Variants in CSMD1 observed in about 807,000 individuals in gnomAD.
CSMD1 encodes CUB and sushi domain-containing protein 1.
Under a neutral mutation model 417.5 loss-of-function variants are expected in CSMD1, and 213 were observed. That is an observed-to-expected ratio of 0.51 (90% CI 0.46 to 0.57). CSMD1 has a LOEUF of 0.57. Among genes scored for constraint, CSMD1 ranks in the 20% least tolerant of loss-of-function variants. The pLI is 0.00. For missense variants in CSMD1, 6,923 were observed against 4,529.7 expected (o/e 1.53, Z -15.17); for synonymous variants, 2,862 against 1,736.8 (o/e 1.65, Z -16.11).
chr8:3,403,354 G>A (rs1482636797), intron 15 of CSMD1, among the ~76,000 whole-genome samples: 1 of 151,830 alleles, frequency 6.6e-6, no homozygotes, highest in African/African-American at 2.4e-5. Context: ...CTTTCTATTT[G>A]TTTTCAGCAG....
intron 5 of CSMD1, among the ~76,000 whole-genome samples, chr8:3,785,387 A>T (rs769815446): frequency 1.4e-4 from 21 of 152,186 alleles, no homozygotes; most frequent in Admixed American, 1.3e-4. Context: ...ACACCTGGCC[A>T]TCAAGGGTCT....
chr8:4,583,509 C>T (rs978737274), intron 2 of CSMD1, among the ~76,000 whole-genome samples: 3 of 151,850 alleles, frequency 2.0e-5, no homozygotes, highest in Non-Finnish European at 4.4e-5. Flanking sequence ...ATTGTAAATA[C>T]ACCAATCGAC....
intron 41 of CSMD1, among the ~76,000 whole-genome samples, chr8:3,141,918 C>G (rs1049981015): frequency 2.0e-5 from 3 of 151,964 alleles, no homozygotes; most frequent in African/African-American, 7.2e-5. Flanking sequence ...CTGCCTCAGC[C>G]TCCCGAGTAG....
intron 12 of CSMD1, among the ~76,000 whole-genome samples, chr8:3,468,343 C>T (rs1243281139): frequency 6.6e-6 from 1 of 152,114 alleles, no homozygotes; most frequent in Non-Finnish European, 1.5e-5. Context: ...TAAGTATTTT[C>T]AGATTCACTA....
At position 3,670,582 on chromosome 8, in the gene CSMD1, T is replaced by C. The variant is rs1411745777; in HGVS notation, c.1009+37832A>G. Reference sequence around the variant, plus strand: ...ATATGCGATATATATATATGGGATATATATGGGGATATATATATTGCACAT... The same window carrying C: ...ATATGCGATATATATATATGGGATACATATGGGGATATATATATTGCACAT... On this transcript the variant is annotated intron_variant, in intron 7 of 69. Coordinates refer to ENST00000635120, the MANE Select transcript of CSMD1 (RefSeq NM_033225.6). 2.7e-5 allele frequency among the ~76,000 whole-genome samples: 4 copies of C among 147,742 alleles called. No individual in the cohort carries two copies. In the South Asian group the frequency reaches 6.3e-4, roughly 23 times the overall value.
intron 2 of CSMD1, among the ~76,000 whole-genome samples, chr8:4,504,037 A>G (rs987081887): frequency 1.3e-5 from 2 of 152,094 alleles, no homozygotes; most frequent in African/African-American, 2.4e-5. Flanking sequence ...TCTCATGTTC[A>G]TTGCTGTGTA....
chr8:4,838,781 T>C (rs568272306), intron 1 of CSMD1, among the ~76,000 whole-genome samples: 1 of 152,186 alleles, frequency 6.6e-6, no homozygotes, highest in Non-Finnish European at 1.5e-5. Flanking sequence ...CACCCAGAGT[T>C]TGGTCGGAAC....
At chr8:3,077,987 T>A (rs575524886) in intron 49 of CSMD1, among the ~76,000 whole-genome samples, 2 of 152,356 alleles carry the variant, frequency 1.3e-5, no homozygotes, top group African/African-American at 4.8e-5. Flanking sequence ...TGCCTCCGTT[T>A]CCTTTATCCT....
At chr8:4,359,002 A>G (rs1382893642) in intron 3 of CSMD1, among the ~76,000 whole-genome samples, 2 of 152,142 alleles carry the variant, frequency 1.3e-5, no homozygotes, top group African/African-American at 4.8e-5. Context: ...TGACATATAT[A>G]GGCATATAAT....
At chr8:3,673,106 T>C (rs1465407098) in intron 7 of CSMD1, among the ~76,000 whole-genome samples, 3 of 152,322 alleles carry the variant, frequency 2.0e-5, no homozygotes, top group South Asian at 2.1e-4. Flanking sequence ...GAGTTAATAA[T>C]AAATGAATCA....
intron 2 of CSMD1, among the ~76,000 whole-genome samples, chr8:4,612,611 T>C (rs1312092675): frequency 6.6e-6 from 1 of 152,090 alleles, no homozygotes; most frequent in South Asian, 2.1e-4. Context: ...CCAGAAACCA[T>C]GAGGACAAGG....
chr8:4,333,627 G>C (rs1010624812), intron 3 of CSMD1, among the ~76,000 whole-genome samples: 1 of 152,116 alleles, frequency 6.6e-6, no homozygotes, highest in Non-Finnish European at 1.5e-5. Context: ...TTTAAGGAGA[G>C]TGATCTAAAT....
intron 2 of CSMD1, among the ~76,000 whole-genome samples, chr8:4,510,684 C>T (rs1176325378): frequency 6.9e-6 from 1 of 144,898 alleles, no homozygotes; most frequent in Non-Finnish European, 1.5e-5. Flanking sequence ...TCCCTCCTCT[C>T]TTCCTTCCCC....
At chr8:3,664,218 T>C (rs773694609) in intron 7 of CSMD1, among the ~76,000 whole-genome samples, 1 of 152,138 alleles carries the variant, frequency 6.6e-6, no homozygotes, top group Non-Finnish European at 1.5e-5. Context: ...GTGTGTGATG[T>C]TCCCCCACTC....
intron 1 of CSMD1, among the ~76,000 whole-genome samples, chr8:4,819,695 T>G (rs1201900773): frequency 1.3e-5 from 2 of 152,150 alleles, no homozygotes; most frequent in Non-Finnish European, 2.9e-5. Context: ...TCTGTCCCAG[T>G]GTTTCTACAG....
chr8:4,183,635 C>T lies in CSMD1; in HGVS notation c.416-151536G>A, dbSNP rs1007209235. Among the ~76,000 whole-genome samples, 8 of 152,218 alleles carry T rather than the reference C, an allele frequency of 5.3e-5. 1 individual carries two copies. The South Asian group carries it at 8.3e-4, about 16-fold the overall frequency. Reference sequence around the variant, plus strand: ...AAAATGATTCTGTCAAATTGATAAGCACAATTTTAAGTTTCCTTACAAATA... The same window carrying T: ...AAAATGATTCTGTCAAATTGATAAGTACAATTTTAAGTTTCCTTACAAATA... On this transcript the variant is annotated intron_variant, in intron 3 of 69. Coordinates refer to ENST00000635120, the MANE Select transcript of CSMD1 (RefSeq NM_033225.6).
At chr8:4,888,300 C>G (rs1241681934) in intron 1 of CSMD1, among the ~76,000 whole-genome samples, 1 of 152,070 alleles carries the variant, frequency 6.6e-6, no homozygotes, top group East Asian at 1.9e-4. Context: ...CCTCTCCTCA[C>G]ATCAAGCCCC....
intron 3 of CSMD1, among the ~76,000 whole-genome samples, chr8:4,208,369 T>C (rs1295557884): frequency 6.6e-6 from 1 of 152,182 alleles, no homozygotes; most frequent in Non-Finnish European, 1.5e-5. Flanking sequence ...AGGGAAGCAT[T>C]TCCCCAAGGA....
intron 18 of CSMD1, among the ~76,000 whole-genome samples, chr8:3,369,731 T>A (rs75451824): frequency 2.1e-4 from 32 of 152,296 alleles, no homozygotes; most frequent in Non-Finnish European, 4.3e-4. Context: ...ACAAACCATG[T>A]CATGTTCAAA....
Sources: gnomAD v4.1 joint callset for allele counts (sites outside exome capture counted in the v4.1 genomes callset) on GRCh38, gnomAD v4.1.1 for gene constraint, MANE v1.5 for transcripts, NCBI Gene and HGNC (gene_info 2026-07-23, HGNC 2026-07-21) for gene names.